Variants in KRTAP9-7 observed in about 807,000 individuals in gnomAD.
KRTAP9-7 encodes keratin associated protein 9-7.
For missense variants in KRTAP9-7, 157 were observed against 198.3 expected (o/e 0.79, Z 1.25); for synonymous variants, 68 against 72.5 (o/e 0.94, Z 0.32).
exon 1 of KRTAP9-7, chr17:41,275,870 G>A (rs1307688688): frequency 6.2e-7 from 1 of 1,609,018 alleles, no homozygotes; most frequent in Non-Finnish European, 8.5e-7. Context: ...ACCTGCTGCA[G>A]GACCACCTGC....
At chr17:41,276,078 A>C (rs1252765232) in exon 1 of KRTAP9-7, 9 of 1,611,484 alleles carry the variant, frequency 5.6e-6, no homozygotes, top group South Asian at 2.2e-5. Context: ...CTGGTTGCCT[A>C]AACCAGAGCT....
Position 41,276,147 on chromosome 17 carries a change from C to G in KRTAP9-7, c.450C>G (p.Cys150Trp), listed in dbSNP as rs754166818. The stretch of plus-strand genomic sequence containing the variant: ...CAGCCTGCTGTGAGACTACCTGCTG[C>G]AGGACCACTTGCTTCCAGCCCACCT... Residue 150 changes from cysteine to tryptophan, a missense_variant, in exon 1 of 1, where the codon TGC becomes TGG. Transcript: ENST00000391354. 23 of 1,614,066 alleles carry G rather than the reference C, an allele frequency of 1.4e-5. No individual in the cohort carries two copies. In the Admixed American group the frequency reaches 3.8e-4, roughly 27 times the overall value.
At chr17:41,276,039 C>A (rs769313893) in exon 1 of KRTAP9-7, 5 of 1,613,806 alleles carry the variant, frequency 3.1e-6, no homozygotes, top group Non-Finnish European at 4.2e-6. Flanking sequence ...GCAGGAGAAC[C>A]TGCTACCACC....
exon 1 of KRTAP9-7, chr17:41,275,913 G>A (rs763757096): frequency 1.2e-6 from 2 of 1,612,674 alleles, no homozygotes; most frequent in East Asian, 2.2e-5. Flanking sequence ...GCTGCTGCCA[G>A]CCTTCCTGCT....
At chr17:41,275,740 A>C (rs766905612) in exon 1 of KRTAP9-7, 2 of 804,292 alleles carry the variant, frequency 2.5e-6, no homozygotes, top group Admixed American at 8.8e-5. Context: ...TACCTGCTGC[A>C]GGACCACCTG....
chr17:41,275,924 G>A, exon 1 of KRTAP9-7: 1 of 1,613,414 alleles, frequency 6.2e-7, no homozygotes, highest in East Asian at 2.2e-5. Flanking sequence ...CCTTCCTGCT[G>A]CAGCACACCC....
exon 1 of KRTAP9-7, chr17:41,276,139 A>G (rs760632575): frequency 6.2e-7 from 1 of 1,613,926 alleles, no homozygotes; most frequent in Admixed American, 1.7e-5. Context: ...CTGTGAGACT[A>G]CCTGCTGCAG....
rs574735608 is a variant in KRTAP9-7, at chr17:41,276,193, C to A, written c.496C>A (p.Pro166Thr). ...CACCTGTGTGACCAGCTGCTGTCAG[C>A]CTGCTTGCTGCTGATCAGTTCCGCA... The change falls in exon 1 of 1, where the codon CCT becomes ACT. Residue 166 changes from proline to threonine, a missense_variant. Pro to Thr is a conservative substitution (Grantham distance 38). Coordinates refer to ENST00000391354, the Ensembl canonical transcript of KRTAP9-7. The A allele has an allele frequency of 8.1e-5, 131 of 1,614,042 alleles. No individual in the cohort carries two copies. The Admixed American group carries it at 2.2e-3, about 27-fold the overall frequency.
At chr17:41,276,009 C>T in exon 1 of KRTAP9-7, 2 of 1,614,136 alleles carry the variant, frequency 1.2e-6, no homozygotes, top group Non-Finnish European at 1.7e-6. Flanking sequence ...GCCAGCCCAG[C>T]TCCTGTGCAC....
exon 1 of KRTAP9-7, chr17:41,276,020 C>A: frequency 3.1e-6 from 5 of 1,613,846 alleles, no homozygotes; most frequent in Non-Finnish European, 4.2e-6. Flanking sequence ...TCCTGTGCAC[C>A]CATCTACTGC....
exon 1 of KRTAP9-7, chr17:41,275,939 G>T: frequency 6.2e-7 from 1 of 1,610,356 alleles, no homozygotes; most frequent in East Asian, 2.2e-5. Flanking sequence ...ACACCCTGCT[G>T]CCAGCCCATC....
chr17:41,275,849 G>C, exon 1 of KRTAP9-7: 1 of 1,601,728 alleles, frequency 6.2e-7, no homozygotes, highest in Non-Finnish European at 8.5e-7. Flanking sequence ...CACCCAACTT[G>C]CTGTCAAAAC....
chr17:41,275,955 T>A, the KRTAP9-7 span: 2 of 1,611,104 alleles, frequency 1.2e-6, no homozygotes, highest in Non-Finnish European at 1.7e-6. Context: ...CCATCTGCTG[T>A]GGGTCCAGCT....
chr17:41,275,954 G>C, exon 1 of KRTAP9-7: 2 of 1,612,274 alleles, frequency 1.2e-6, no homozygotes, highest in Non-Finnish European at 1.7e-6. Context: ...CCCATCTGCT[G>C]TGGGTCCAGC....
exon 1 of KRTAP9-7, chr17:41,276,152 C>A (rs1466804552): frequency 6.2e-7 from 1 of 1,614,056 alleles, no homozygotes; most frequent in Non-Finnish European, 8.5e-7. Flanking sequence ...TGCTGCAGGA[C>A]CACTTGCTTC....
exon 1 of KRTAP9-7, chr17:41,276,110 C>A: frequency 1.2e-6 from 2 of 1,614,038 alleles, no homozygotes; most frequent in African/African-American, 1.3e-5. Context: ...TGCTGCCAGC[C>A]GTGCTGCCGC....
chr17:41,276,033 G>T, exon 1 of KRTAP9-7: 1 of 1,613,462 alleles, frequency 6.2e-7, no homozygotes, highest in Non-Finnish European at 8.5e-7. Flanking sequence ...TCTACTGCAG[G>T]AGAACCTGCT....
exon 1 of KRTAP9-7, chr17:41,276,092 G>A (rs2144153046): frequency 6.2e-7 from 1 of 1,610,260 alleles, no homozygotes; most frequent in Middle Eastern, 1.7e-4. Context: ...CAGAGCTGTG[G>A]CTCCAGCTGC....
Position 41,276,039 on chromosome 17 carries a change from C to T in KRTAP9-7, c.342C>T (p.Thr114=), listed in dbSNP as rs769313893. The change falls in exon 1 of 1, where the codon ACC becomes ACT. Residue 114 remains threonine, a synonymous_variant. Transcript: ENST00000391354. Reference sequence around the variant, plus strand: ...GTGCACCCATCTACTGCAGGAGAACCTGCTACCACCCCACGAGTGTCTACC... The same window carrying T: ...GTGCACCCATCTACTGCAGGAGAACTTGCTACCACCCCACGAGTGTCTACC... The T allele has an allele frequency of 3.5e-5, 56 of 1,613,688 alleles. No individual in the cohort carries two copies. The Admixed American group carries it at 8.3e-4, about 24-fold the overall frequency.
Sources: allele counts gnomAD v4.1 joint callset, GRCh38; gene constraint gnomAD v4.1.1; transcripts MANE v1.5; gene names NCBI Gene and HGNC (gene_info 2026-07-23, HGNC 2026-07-21).